GNAL: variants seen among roughly 807,000 people sequenced by gnomAD.
GNAL encodes the protein guanine nucleotide-binding protein G(olf) subunit alpha.
A neutral mutation model predicts 55.1 loss-of-function variants in GNAL; 18 were observed. The ratio of observed to expected loss-of-function variants is 0.33; its 90% CI spans 0.23 to 0.48. The LOEUF (loss-of-function observed/expected upper bound fraction) is 0.48, where lower values mean the gene tolerates loss of function less well. Among genes scored for constraint, GNAL ranks in the 20% least tolerant of loss-of-function variants. The pLI is 0.99. For synonymous variants in GNAL, 253 were observed against 237.0 expected, an observed-to-expected ratio of 1.07 and a Z score of -0.62; for missense variants, 412 against 614.1, an observed-to-expected ratio of 0.67 and a Z score of 3.48.
chr18:11,881,238 T>C lies in GNAL; in HGVS notation c.*103T>C. The C allele has an allele frequency of 8.7e-7, 1 of 1,153,240 alleles. No individual in the cohort carries two copies. Among genetic ancestry groups the C allele is most frequent in the African/African-American group, 1.5e-5 (1 of 65,374 alleles). 71.4% of individuals were successfully genotyped at this position (1,153,240 alleles called of 1,614,324 possible). A position where few individuals can be genotyped will look rare whatever the true frequency, so the allele number is the denominator to read the frequency against. On this transcript the variant is annotated 3_prime_UTR_variant, in exon 12 of 12. Transcript: ENST00000334049. This position sits in a 1 kb window ranked among gnomAD's most constrained non-coding sequence, Gnocchi z 4.8. ...AGTCTCTAGTTCCATCTCGCTGCCGTCTGTCCCGTTCTGTGTCGACCACCA... is the reference window on the plus strand; with the variant it reads ...AGTCTCTAGTTCCATCTCGCTGCCGCCTGTCCCGTTCTGTGTCGACCACCA...
At chr18:11,879,219 G>A (rs2036604037) in intron 11 of GNAL, among the ~76,000 whole-genome samples, 1 of 151,316 alleles carries the variant, frequency 6.6e-6, no homozygotes, top group Admixed American at 6.6e-5. Flanking sequence ...GTCTATCCCC[G>A]TGAGGAGTTT....
At chr18:11,756,310 TA>T (rs1433912212) in intron 4 of GNAL, among the ~76,000 whole-genome samples, 2 of 152,206 alleles carry the variant, frequency 1.3e-5, no homozygotes, top group African/African-American at 4.8e-5. Flanking sequence ...TTCAGATAGA[TA>T]AATTAAGGTT....
chr18:11,798,293 A>G (rs1216309006), intron 4 of GNAL, among the ~76,000 whole-genome samples: 1 of 152,250 alleles, frequency 6.6e-6, no homozygotes, highest in Non-Finnish European at 1.5e-5. Context: ...GTTAATTTGT[A>G]AAACATGTTC....
At chr18:11,695,876 A>G (rs905415232) in intron 1 of GNAL, among the ~76,000 whole-genome samples, 3 of 152,046 alleles carry the variant, frequency 2.0e-5, no homozygotes, top group Non-Finnish European at 4.4e-5. Context: ...AGTTACTGTC[A>G]GAGGAAGTGC....
chr18:11,871,274 A>G (rs1472169589), intron 9 of GNAL, among the ~76,000 whole-genome samples: 1 of 147,422 alleles, frequency 6.8e-6, no homozygotes, highest in Non-Finnish European at 1.5e-5. Context: ...TTTTTGAGAC[A>G]GAGTCTCGCT....
intron 1 of GNAL, among the ~76,000 whole-genome samples, chr18:11,729,767 C>T (rs145371790): frequency 5.9e-5 from 9 of 152,262 alleles, no homozygotes; most frequent in Middle Eastern, 3.4e-3. Context: ...TATTCTGAGC[C>T]AATGTGGCTG....
At chr18:11,818,420 AG>A (rs1403381052) in intron 4 of GNAL, among the ~76,000 whole-genome samples, 1 of 151,902 alleles carries the variant, frequency 6.6e-6, no homozygotes, top group Non-Finnish European at 1.5e-5. Context: ...ATTCAATTTA[AG>A]TGGTTACTGT....
chr18:11,729,585 T>C (rs1241794547), intron 1 of GNAL, among the ~76,000 whole-genome samples: 1 of 152,228 alleles, frequency 6.6e-6, no homozygotes, highest in Non-Finnish European at 1.5e-5. Context: ...TTACCTTTTA[T>C]TGTAGATATT....
chr18:11,867,242 T>G lies in GNAL; in HGVS notation c.910+16T>G. ...TGCTTTAACGGTGATTTTTTTATGC[T>G]CTCTCAAGAAAATAGGAGTGAATTC... On this transcript the variant is annotated intron_variant, in intron 8 of 11. Transcript: ENST00000334049. 6.5e-7 allele frequency: 1 copy of G among 1,541,936 alleles called. No homozygotes were observed. The highest frequency in any genetic ancestry group is 1.7e-4 in the Middle Eastern group (1 of 5,948).
rs548421644 is a variant in GNAL, at chr18:11,808,661, C to T, written c.625-16257C>T. ...TCCCATTCCCAGGCATGTATCCAAA[C>T]GGAATGAAAACATACATCAAGACTA... On this transcript the variant is annotated intron_variant, in intron 4 of 11. Coordinates refer to ENST00000334049, the MANE Select transcript of GNAL (RefSeq NM_182978.4). Among the ~76,000 whole-genome samples the T allele has an allele frequency of 7.2e-5, 11 of 152,136 alleles. 1 individual carries two copies. In the South Asian group the frequency reaches 1.2e-3, roughly 17 times the overall value.
At chr18:11,789,947 C>T (rs189547573) in intron 4 of GNAL, among the ~76,000 whole-genome samples, 18 of 152,260 alleles carry the variant, frequency 1.2e-4, no homozygotes, top group Admixed American at 2.6e-4. Context: ...CATCACAAAC[C>T]GGATTCCTTG....
intron 11 of GNAL, among the ~76,000 whole-genome samples, chr18:11,880,306 T>G (rs7241883): frequency 2.1e-5 from 3 of 141,502 alleles, no homozygotes; most frequent in Non-Finnish European, 4.6e-5. Context: ...CAGTGGCTCA[T>G]GCCTATAATC....
intron 4 of GNAL, among the ~76,000 whole-genome samples, chr18:11,767,587 G>A (rs1157731674): frequency 4.0e-5 from 6 of 151,760 alleles, no homozygotes; most frequent in African/African-American, 1.5e-4. Flanking sequence ...GGCCTTGCAC[G>A]CTTGTTCTCT....
intron 1 of GNAL, among the ~76,000 whole-genome samples, chr18:11,693,275 G>A (rs1258087784): frequency 1.3e-5 from 2 of 152,182 alleles, no homozygotes; most frequent in East Asian, 3.8e-4. Context: ...TAAAGAGTCA[G>A]CTTCTTGTAA....
chr18:11,754,346 G>A (rs1402879975), intron 4 of GNAL, among the ~76,000 whole-genome samples: 1 of 151,970 alleles, frequency 6.6e-6, no homozygotes, highest in Non-Finnish European at 1.5e-5. Context: ...GATCGAGGGA[G>A]GTGGAGGTTG....
intron 5 of GNAL, among the ~76,000 whole-genome samples, chr18:11,846,056 A>G (rs1480292952): frequency 6.6e-6 from 1 of 151,876 alleles, no homozygotes; most frequent in Admixed American, 6.6e-5. Context: ...CATAGGCCTT[A>G]TTTTTTCCAG....
intron 4 of GNAL, among the ~76,000 whole-genome samples, chr18:11,813,456 T>TA (rs1433593072): frequency 1.6e-4 from 24 of 152,142 alleles, no homozygotes; most frequent in Admixed American, 1.4e-3. Context: ...TCAAAAGACT[T>TA]AGAGGCTTGT....
chr18:11,820,098 G>T (rs1312625433), intron 4 of GNAL, among the ~76,000 whole-genome samples: 1 of 152,082 alleles, frequency 6.6e-6, no homozygotes, highest in Non-Finnish European at 1.5e-5. Flanking sequence ...TTTTAGTAAG[G>T]TTTGCTTATG....
At chr18:11,794,759 TA>T (rs775143875) in intron 4 of GNAL, among the ~76,000 whole-genome samples, 9,305 of 90,372 alleles carry the variant, frequency 0.1, 344 homozygotes, top group African/African-American at 0.13. Flanking sequence ...ACACACAGGT[TA>T]AAAAAAAAAA....
Sources: gnomAD v4.1 joint callset for allele counts (sites outside exome capture counted in the v4.1 genomes callset) on GRCh38, gnomAD v4.1.1 for gene constraint, Gnocchi (gnomAD v3.1) non-coding constraint, MANE v1.5 for transcripts, NCBI Gene and HGNC (gene_info 2026-07-23, HGNC 2026-07-21) for gene names.